The following DCHS2 variants were observed in gnomAD, a reference collection of about 807,000 sequenced individuals.
DCHS2 encodes the protein dachsous cadherin-related 2, also known as protocadherin-23.
A neutral mutation model predicts 182.4 loss-of-function variants in DCHS2; 142 were observed. That is an observed-to-expected ratio of 0.78 (90% CI 0.68 to 0.89). DCHS2 has a LOEUF of 0.89. DCHS2 is among the 40% of genes least tolerant of loss of function. DCHS2 has a pLI of 0.00. For missense variants in DCHS2, 4,319 were observed against 4,198.6 expected, an observed-to-expected ratio of 1.03 and a Z score of -0.79; for synonymous variants, 1,740 against 1,663.3, an observed-to-expected ratio of 1.05 and a Z score of -1.12.
rs1440452629 is a variant in DCHS2, at chr4:154,320,938, GT to G, written c.4460del (p.Asn1487ThrfsTer4). On this transcript the variant is annotated frameshift_variant, in exon 9 of 20. Coordinates refer to ENST00000357232, the MANE Select transcript of DCHS2 (RefSeq NM_001358235.2). LOFTEE classifies it high-confidence loss of function. Reference protein sequence around the residue: ...FRVITTDHSKNLSLSSTVFLS... With the variant: ...FRVITTDHSKXLSLSSTVFLS... ...GGAAGACTGTGCTACTCAGGGAAAG[GT>G]TTTTGCTATGGTCTGTAGTAATCAC... 2 of 1,613,900 alleles carry G rather than the reference GT, an allele frequency of 1.2e-6. No individual in the cohort carries two copies. The highest frequency in any genetic ancestry group is 2.7e-5 in the African/African-American group (2 of 74,878).
intron 8 of DCHS2, among the ~76,000 whole-genome samples, chr4:154,321,832 G>T (rs1736071989): frequency 6.6e-6 from 1 of 152,014 alleles, no homozygotes. Flanking sequence ...TGAGTGGTTG[G>T]TGTAATTTTT....
chr4:154,457,517 C>G (rs1292965948), intron 1 of DCHS2, among the ~76,000 whole-genome samples: 1 of 152,180 alleles, frequency 6.6e-6, no homozygotes, highest in Non-Finnish European at 1.5e-5. Flanking sequence ...GCGCACACAT[C>G]CCTGCCTTTA....
chr4:154,361,359 T>C (rs1730112667), intron 3 of DCHS2, among the ~76,000 whole-genome samples: 1 of 152,148 alleles, frequency 6.6e-6, no homozygotes, highest in Admixed American at 6.6e-5. Flanking sequence ...TTTCTTCCAG[T>C]GTAAAACTAC....
In DCHS2 at chr4:154,332,863, A is replaced by C. The variant is rs1263806828; in HGVS notation, c.3345T>G (p.Arg1115=). 1 of 1,614,234 alleles carries C rather than the reference A, an allele frequency of 6.2e-7. No homozygotes were observed. Among genetic ancestry groups the C allele is most frequent in the Non-Finnish European group, 8.5e-7 (1 of 1,180,040 alleles). The change falls in exon 5 of 20, where the codon CGT becomes CGG. Residue 1115 remains arginine, a synonymous_variant. Transcript: ENST00000357232. ...GCGAGTACCTAAGAGGCGAGGCTGC[A>C]CGCTGGGGGCCAAGTGGGTGCGCCT... ...QTQAHPLGPQ[R]AASPLRYSLE...
chr4:154,439,627 T>C (rs1246768449), intron 1 of DCHS2, among the ~76,000 whole-genome samples: 4 of 152,228 alleles, frequency 2.6e-5, no homozygotes, highest in Non-Finnish European at 5.9e-5. Context: ...ATTTCTTGTC[T>C]GTTATATATG....
At chr4:154,440,525 T>A (rs1370673300) in intron 1 of DCHS2, among the ~76,000 whole-genome samples, 1 of 152,174 alleles carries the variant, frequency 6.6e-6, no homozygotes, top group African/African-American at 2.4e-5. Context: ...GACTATAATA[T>A]ACATGTATAG....
intron 13 of DCHS2, among the ~76,000 whole-genome samples, chr4:154,295,989 G>A (rs936635563): frequency 3.9e-5 from 6 of 152,138 alleles, no homozygotes; most frequent in African/African-American, 1.2e-4. Context: ...CCTCCCATAT[G>A]TCATCAGTTT....
rs779930027 is a variant in DCHS2, at chr4:154,490,128, G to C, written c.1228C>G (p.Arg410Gly). The C allele has an allele frequency of 6.5e-7, 1 of 1,548,142 alleles. No individual in the cohort carries two copies. The highest frequency in any genetic ancestry group is 1.2e-5 in the South Asian group (1 of 83,922). ...SIAVLDVNDNRPAIHVLFLTE... is the reference protein window; with the variant it reads ...SIAVLDVNDNGPAIHVLFLTE... ...AGAAAGAGCACGTGAATTGCTGGCC[G>C]GTTGTCATTCACGTCCAGCACGGCG... The change falls in exon 1 of 20, where the codon CGG becomes GGG. Residue 410 changes from arginine (R) to glycine (G), a missense_variant. Arg to Gly is a moderately radical substitution (Grantham distance 125). Coordinates refer to ENST00000357232, the MANE Select transcript of DCHS2 (RefSeq NM_001358235.2).
intron 3 of DCHS2, among the ~76,000 whole-genome samples, chr4:154,365,923 C>T (rs1336870034): frequency 6.6e-6 from 1 of 151,822 alleles, no homozygotes; most frequent in African/African-American, 2.4e-5. Context: ...GCTGGGATTA[C>T]AGGTGTGAGC....
chr4:154,320,722 T>C lies in DCHS2; in HGVS notation c.4677A>G (p.Pro1559=), dbSNP rs201086848. ...YIESHNPGTN[P]FLIHPSFGTL... ...TGCCAAATGAGGGGTGGATGAGAAA[T>C]GGATTCGTGCCAGGGTTGTGGGATT... Residue 1559 remains proline (P), a synonymous_variant, in exon 9 of 20, where the codon CCA becomes CCG. Coordinates refer to ENST00000357232, the MANE Select transcript of DCHS2 (RefSeq NM_001358235.2). The C allele has an allele frequency of 6.2e-7, 1 of 1,614,054 alleles. No individual in the cohort carries two copies. Among genetic ancestry groups the C allele is most frequent in the East Asian group, 2.2e-5 (1 of 44,880 alleles).
intron 10 of DCHS2, among the ~76,000 whole-genome samples, chr4:154,312,371 T>G (rs1415595638): frequency 1.3e-5 from 2 of 152,092 alleles, no homozygotes; most frequent in Non-Finnish European, 2.9e-5. Context: ...ACGGGGCACG[T>G]CAATGAATAA....
intron 1 of DCHS2, among the ~76,000 whole-genome samples, chr4:154,377,949 A>C (rs994060337): frequency 6.6e-6 from 1 of 152,136 alleles, no homozygotes; most frequent in Non-Finnish European, 1.5e-5. Flanking sequence ...ACCCAATCCC[A>C]GTGACAGAAT....
intron 16 of DCHS2, among the ~76,000 whole-genome samples, chr4:154,251,532 T>G (rs1464699981): frequency 6.6e-6 from 1 of 152,222 alleles, no homozygotes; most frequent in Non-Finnish European, 1.5e-5. Context: ...CTTTTTCTTT[T>G]TTTGAGACAA....
At chr4:154,456,905 C>T (rs1478513901) in intron 1 of DCHS2, among the ~76,000 whole-genome samples, 1 of 151,988 alleles carries the variant, frequency 6.6e-6, no homozygotes, top group South Asian at 2.1e-4. Flanking sequence ...GACTTTTTTG[C>T]GTTGTGATTT....
chr4:154,310,909 C>T (rs1369722393), intron 10 of DCHS2, among the ~76,000 whole-genome samples: 1 of 152,186 alleles, frequency 6.6e-6, no homozygotes, highest in East Asian at 1.9e-4. Context: ...TCAAATCTGG[C>T]CTGCTCCCTG....
intron 1 of DCHS2, among the ~76,000 whole-genome samples, chr4:154,393,641 T>C (rs1388086): frequency 0.9 from 136,494 of 152,084 alleles, 62,882 homozygotes; most frequent in East Asian, 1. Context: ...CATTATGTCA[T>C]ATGCTAGTCT....
Position 154,236,667 on chromosome 4 carries a change from G to A in DCHS2, c.7985C>T (p.Pro2662Leu), listed in dbSNP as rs943603021. The change falls in exon 20 of 20, where the codon CCC (proline) becomes CTC (leucine). Residue 2662 changes from proline (P) to leucine (L), a missense_variant. Coordinates refer to ENST00000357232, the MANE Select transcript of DCHS2 (RefSeq NM_001358235.2). Reference sequence around the variant, plus strand: ...ATAGCTCAGGCTGCTGAAGTTTGGGGGATTGTCATTGACATCAAGTACTTG... The same window carrying A: ...ATAGCTCAGGCTGCTGAAGTTTGGGAGATTGTCATTGACATCAAGTACTTG... Reference protein sequence around the residue: ...SIQVLDVNDNPPNFSSLSYHT... With the variant: ...SIQVLDVNDNLPNFSSLSYHT... 7 of 1,613,930 alleles carry A rather than the reference G, an allele frequency of 4.3e-6. No individual in the cohort carries two copies. The highest frequency in any genetic ancestry group is 3.4e-6 in the Non-Finnish European group (4 of 1,179,938).
At chr4:154,390,300 G>A (rs571875874) in intron 1 of DCHS2, among the ~76,000 whole-genome samples, 78 of 121,284 alleles carry the variant, frequency 6.4e-4, no homozygotes, top group Admixed American at 2.5e-3. Context: ...AGAGTGTGAT[G>A]TTCCCCTTCC....
At chr4:154,341,384 A>G (rs1578986106) in intron 3 of DCHS2, among the ~76,000 whole-genome samples, 1 of 152,028 alleles carries the variant, frequency 6.6e-6, no homozygotes, top group East Asian at 1.9e-4. Context: ...AAAAAAAAAA[A>G]AAGAGAACGT....
Sources: gnomAD v4.1 joint callset for allele counts (sites outside exome capture counted in the v4.1 genomes callset) on GRCh38, gnomAD v4.1.1 for gene constraint, MANE v1.5 for transcripts, NCBI Gene and HGNC (gene_info 2026-07-23, HGNC 2026-07-21) for gene names.